Variants in BCAS2 observed in about 807,000 individuals in gnomAD.
BCAS2 encodes the protein pre-mRNA-splicing factor SPF27.
BCAS2 carries 34 observed loss-of-function variants against 35.3 expected under a neutral mutation model. That is an observed-to-expected ratio of 0.96 (90% CI 0.73 to 1.28). The LOEUF is 1.28. Among genes scored for constraint, BCAS2 ranks in the 50% most tolerant of loss-of-function variants. The pLI, the probability that BCAS2 is intolerant of heterozygous loss-of-function variation, is 0.00. For missense variants in BCAS2, 221 were observed against 268.1 expected (o/e 0.82, Z 1.23); for synonymous variants, 75 against 91.6 (o/e 0.82, Z 1.03).
At chr1:114,571,593 A>T (rs536932421) in intron 4 of BCAS2, among the ~76,000 whole-genome samples, 2 of 152,248 alleles carry the variant, frequency 1.3e-5, no homozygotes, top group East Asian at 1.9e-4. Flanking sequence ...TCCTGGGCTC[A>T]AGCAATCTCC....
intron 6 of BCAS2, 109 bp from the exon 7 acceptor site, chr1:114,568,365 T>A (rs1654568842): frequency 7.5e-6 from 8 of 1,070,790 alleles, no homozygotes; most frequent in South Asian, 2.0e-5. Context: ...ACACTAACCT[T>A]CACTTTTTTT....
At chr1:114,581,182 T>C in intron 2 of BCAS2, 117 bp downstream of exon 2, 1 of 991,652 alleles carries the variant, frequency 1.0e-6, no homozygotes, top group Non-Finnish European at 1.6e-6. Flanking sequence ...CTGACACCTA[T>C]ACAGTAGGTA....
In BCAS2 at chr1:114,570,707, T is replaced by G; in HGVS notation, c.463A>C (p.Lys155Gln). 6.3e-7 allele frequency: 1 copy of G among 1,588,340 alleles called. No homozygotes were observed. Among genetic ancestry groups the G allele is most frequent in the Non-Finnish European group, 8.6e-7 (1 of 1,163,166 alleles). Residue 155 changes from lysine to glutamine, a missense_variant, in exon 5 of 7, where the codon AAG (lysine) becomes CAG (glutamine). Coordinates refer to ENST00000369541, the MANE Select transcript of BCAS2 (RefSeq NM_005872.3). ...MIEHAQKELQ[K>Q]LRKHIQDLNW... ...TAGGAAAAAACAATTTACCTTAACT[T>G]CTGAAGTTCCTTCTGTGCGTGTTCA... is the stretch of plus-strand genomic sequence containing the variant.
At chr1:114,569,899 G>T (rs1654604610) in intron 6 of BCAS2, 93 bp downstream of exon 6, 1 of 923,778 alleles carries the variant, frequency 1.1e-6, no homozygotes. Context: ...GTTACCTGTG[G>T]CATCCCATTT....
chr1:114,572,369 A>T (rs1570736727), intron 4 of BCAS2, among the ~76,000 whole-genome samples: 1 of 152,182 alleles, frequency 6.6e-6, no homozygotes, highest in East Asian at 1.9e-4. Flanking sequence ...ACTAACAGGG[A>T]GCTTTCCTTT....
chr1:114,579,787 G>T (rs186346475), intron 2 of BCAS2, among the ~76,000 whole-genome samples: 81 of 152,250 alleles, frequency 5.3e-4, no homozygotes, highest in African/African-American at 1.9e-3. Flanking sequence ...AATCACTTGA[G>T]CCCGGAAGGT....
chr1:114,568,187 A>G lies in BCAS2; in HGVS notation c.621T>C (p.Tyr207=), dbSNP rs1654563626. ...RTIVQLENEI[Y]QIKQQHGEAN... is the part of the protein sequence containing the mutation. ...CCTCTCCATGTTGCTGCTTAATTTGATAGATTTCATTTTCTAGCTGAACAA... is the reference window on the plus strand; with the variant it reads ...CCTCTCCATGTTGCTGCTTAATTTGGTAGATTTCATTTTCTAGCTGAACAA... Residue 207 remains tyrosine (Y), a synonymous_variant, in exon 7 of 7, where the codon TAT becomes TAC. Coordinates refer to ENST00000369541, the MANE Select transcript of BCAS2 (RefSeq NM_005872.3). The G allele has an allele frequency of 6.2e-7, 1 of 1,613,860 alleles. No homozygotes were observed. Among genetic ancestry groups the G allele is most frequent in the African/African-American group, 1.3e-5 (1 of 75,036 alleles).
Position 114,570,717 on chromosome 1 carries a change from C to T in BCAS2, c.453G>A (p.Lys151=), listed in dbSNP as rs761844764. The change falls in exon 5 of 7, where the codon AAG becomes AAA. Residue 151 remains lysine (K), a synonymous_variant. Transcript: ENST00000369541. ...CAATTTACCTTAACTTCTGAAGTTC[C>T]TTCTGTGCGTGTTCAATCATATGAA... The part of the protein sequence containing the change: ...NLVHMIEHAQ[K]ELQKLRKHIQ... The T allele has an allele frequency of 2.5e-6, 4 of 1,591,770 alleles. No individual in the cohort carries two copies. The highest frequency in any genetic ancestry group is 1.1e-5 in the South Asian group (1 of 88,972).
chr1:114,572,788 T>A (rs565121203), intron 4 of BCAS2, among the ~76,000 whole-genome samples: 5 of 152,212 alleles, frequency 3.3e-5, no homozygotes, highest in Admixed American at 6.5e-5. Flanking sequence ...AGTCTACAGT[T>A]GAGGTAGTAA....
chr1:114,569,981 T>C lies in BCAS2; in HGVS notation c.551+11A>G, dbSNP rs751288429. The C allele has an allele frequency of 4.0e-5, 64 of 1,584,188 alleles. No individual in the cohort carries two copies. The highest frequency in any genetic ancestry group is 2.4e-4 in the African/African-American group (18 of 74,250). ...AACAATTTAAAAGATGATGGAATTATAGATACTCACTTTGACTCCATTTCT... is the reference window on the plus strand; with the variant it reads ...AACAATTTAAAAGATGATGGAATTACAGATACTCACTTTGACTCCATTTCT... On this transcript the variant is annotated intron_variant, in intron 6 of 6. Coordinates refer to ENST00000369541, the MANE Select transcript of BCAS2 (RefSeq NM_005872.3).
chr1:114,570,055 A>C lies in BCAS2; in HGVS notation c.488T>G (p.Leu163Ter). 1 of 1,610,710 alleles carries C rather than the reference A, an allele frequency of 6.2e-7. No homozygotes were observed. The highest frequency in any genetic ancestry group is 8.5e-7 in the Non-Finnish European group (1 of 1,177,214). The change falls in exon 6 of 7, where the codon TTA becomes TGA. Residue 163 changes from leucine (L) to a stop codon, truncating the protein, a stop_gained. Coordinates refer to ENST00000369541, the MANE Select transcript of BCAS2 (RefSeq NM_005872.3). LOFTEE classifies it high-confidence loss of function. The stretch of plus-strand genomic sequence containing the variant: ...TTGCATGTTCTTTCTCTGCCAGTTT[A>C]AATCTTGAATATGTTTTCTGTAAAA... ...LQKLRKHIQD[L>*]NWQRKNMQLT...
intron 4 of BCAS2, among the ~76,000 whole-genome samples, chr1:114,574,971 G>A (rs1380753763): frequency 6.6e-6 from 1 of 151,556 alleles, no homozygotes; most frequent in Non-Finnish European, 1.5e-5. Context: ...CCAGGTTCAA[G>A]CAATTCTCCT....
At position 114,568,027 on chromosome 1, in the gene BCAS2, CAT is replaced by C. The variant is rs1004854344; in HGVS notation, c.*101_*102del. On this transcript the variant is annotated 3_prime_UTR_variant, in exon 7 of 7. Transcript: ENST00000369541. ...CTTCTATGATTTCTAAACACTTAAACATCAATGGTTTTGGGAAGATGCTGTTG... is the reference window on the plus strand; with the variant it reads ...CTTCTATGATTTCTAAACACTTAAACCAATGGTTTTGGGAAGATGCTGTTG... The C allele has an allele frequency of 1.6e-4, 237 of 1,453,330 alleles. 1 individual carries two copies. The highest frequency in any genetic ancestry group is 2.1e-4 in the Non-Finnish European group (225 of 1,057,104). 90.0% of individuals were successfully genotyped at this position (1,453,330 alleles called of 1,614,324 possible). A position where few individuals can be genotyped will look rare whatever the true frequency, so the allele number is the denominator to read the frequency against.
chr1:114,575,330 G>A (rs1654737630), intron 4 of BCAS2, among the ~76,000 whole-genome samples: 1 of 149,160 alleles, frequency 6.7e-6, no homozygotes, highest in Non-Finnish European at 1.5e-5. Context: ...TGGGATTACA[G>A]GCACACGTTA....
intron 2 of BCAS2, 68 bp downstream of exon 2, chr1:114,581,231 A>T: frequency 6.6e-7 from 1 of 1,524,092 alleles, no homozygotes; most frequent in Non-Finnish European, 9.1e-7. Context: ...ACTGGAATTT[A>T]AAGCTCTCAA....
In BCAS2 at chr1:114,568,188, T is replaced by C. The variant is rs773636027; in HGVS notation, c.620A>G (p.Tyr207Cys). 9.9e-6 allele frequency: 16 copies of C among 1,613,842 alleles called. No homozygotes were observed. The African/African-American group carries it at 1.6e-4, about 16-fold the overall frequency. The stretch of plus-strand genomic sequence containing the variant: ...CTCTCCATGTTGCTGCTTAATTTGA[T>C]AGATTTCATTTTCTAGCTGAACAAT... ...RTIVQLENEI[Y>C]QIKQQHGEAN... is the part of the protein sequence containing the mutation. The change falls in exon 7 of 7, where the codon TAT becomes TGT. Residue 207 changes from tyrosine (Y) to cysteine (C), a missense_variant. Transcript: ENST00000369541.
intron 2 of BCAS2, among the ~76,000 whole-genome samples, chr1:114,580,092 C>T (rs973928171): frequency 6.6e-6 from 1 of 151,914 alleles, no homozygotes; most frequent in African/African-American, 2.4e-5. Context: ...TGCCATCATG[C>T]CTGGCTAACT....
chr1:114,577,688 T>C (rs1385282260), intron 2 of BCAS2, among the ~76,000 whole-genome samples: 2 of 152,216 alleles, frequency 1.3e-5, no homozygotes, highest in Non-Finnish European at 2.9e-5. Flanking sequence ...CAAGTAAATG[T>C]AGTATAGCTG....
In BCAS2 at chr1:114,581,186, G is replaced by A. The variant is rs1654880964; in HGVS notation, c.186+113C>T. Reference sequence around the variant, plus strand: ...TTTTCAATAGACTGACACCTATACAGTAGGTAAGTAGTAGCTATGCAGGCA... The same window carrying A: ...TTTTCAATAGACTGACACCTATACAATAGGTAAGTAGTAGCTATGCAGGCA... On this transcript the variant is annotated intron_variant, in intron 2 of 6. Coordinates refer to ENST00000369541, the MANE Select transcript of BCAS2 (RefSeq NM_005872.3). The A allele has an allele frequency of 1.8e-5, 18 of 1,016,106 alleles. No individual in the cohort carries two copies. In the South Asian group the frequency reaches 2.2e-4, roughly 12 times the overall value. 62.9% of individuals were successfully genotyped at this position (1,016,106 alleles called of 1,614,324 possible).
Sources: allele counts gnomAD v4.1 joint callset (sites outside exome capture counted in the v4.1 genomes callset), GRCh38; gene constraint gnomAD v4.1.1; transcripts MANE v1.5; gene names NCBI Gene and HGNC (gene_info 2026-07-23, HGNC 2026-07-21).